Variants in LRMDA observed in about 807,000 individuals in gnomAD.
LRMDA encodes the protein leucine rich melanocyte differentiation associated, also known as leucine-rich melanocyte differentiation-associated protein.
In LRMDA, 18 loss-of-function variants were observed where a neutral mutation model predicts 29.8. The ratio of observed to expected loss-of-function variants is 0.60; its 90% CI spans 0.42 to 0.90. LRMDA has a LOEUF of 0.90. Ranked by LOEUF, LRMDA falls within the 40% of genes least tolerant of loss-of-function variation. The pLI is 0.00. For synonymous variants in LRMDA, 125 were observed against 109.4 expected (o/e 1.14, Z -0.89); for missense variants, 273 against 273.9 (o/e 1.00, Z 0.02).
At chr10:76,113,753 T>C (rs1849619052) in intron 5 of LRMDA, among the ~76,000 whole-genome samples, 1 of 152,082 alleles carries the variant, frequency 6.6e-6, no homozygotes, top group Admixed American at 6.5e-5. Flanking sequence ...AGTTCACAGG[T>C]AAAAGTGAAA....
chr10:75,475,882 T>C (rs1844786293), intron 2 of LRMDA, among the ~76,000 whole-genome samples: 1 of 152,250 alleles, frequency 6.6e-6, no homozygotes, highest in Non-Finnish European at 1.5e-5. Context: ...TTTAATGTTT[T>C]TCTCCTTCCG....
At chr10:76,455,840 A>G (rs1470821011) in intron 6 of LRMDA, among the ~76,000 whole-genome samples, 2 of 152,134 alleles carry the variant, frequency 1.3e-5, no homozygotes, top group Non-Finnish European at 2.9e-5. Context: ...GCCCCTGAAT[A>G]ATGGAAGGGA....
chr10:76,276,637 A>C (rs1296633082), intron 5 of LRMDA, among the ~76,000 whole-genome samples: 2 of 152,100 alleles, frequency 1.3e-5, no homozygotes, highest in Non-Finnish European at 2.9e-5. Flanking sequence ...TCTGAGCCAT[A>C]TATGTGGATT....
chr10:76,268,584 C>T (rs531172733), intron 5 of LRMDA, among the ~76,000 whole-genome samples: 9 of 152,210 alleles, frequency 5.9e-5, no homozygotes, highest in Admixed American at 3.3e-4. Context: ...CACTTACCTT[C>T]ATTTAGAACT....
intron 2 of LRMDA, among the ~76,000 whole-genome samples, chr10:75,965,596 A>C (rs1367868820): frequency 6.6e-6 from 1 of 151,444 alleles, no homozygotes. Context: ...CTGTGAAAAG[A>C]AAAAAAAACC....
At chr10:76,263,205 G>T (rs1383881077) in intron 5 of LRMDA, among the ~76,000 whole-genome samples, 1 of 152,006 alleles carries the variant, frequency 6.6e-6, no homozygotes, top group African/African-American at 2.4e-5. Context: ...AGGCAAACTT[G>T]TTTCTGATGA....
chr10:76,070,064 G>C (rs762510813), intron 5 of LRMDA, among the ~76,000 whole-genome samples: 1 of 152,230 alleles, frequency 6.6e-6, no homozygotes, highest in African/African-American at 2.4e-5. Context: ...AATGGGGAAT[G>C]TAATGCCTTC....
At chr10:76,256,153 A>G (rs1852589847) in intron 5 of LRMDA, among the ~76,000 whole-genome samples, 1 of 152,166 alleles carries the variant, frequency 6.6e-6, no homozygotes, top group Non-Finnish European at 1.5e-5. Context: ...AACCATAATA[A>G]TTTTCTGGAA....
At position 76,454,506 on chromosome 10, in the gene LRMDA, A is replaced by C. The variant is rs116901089; in HGVS notation, c.602-102703A>C. On this transcript the variant is annotated intron_variant, in intron 6 of 6. Coordinates refer to ENST00000611255, the MANE Select transcript of LRMDA (RefSeq NM_001305581.2). ...GAGAATCGAGACATAGTAAATAAAC[A>C]TTCTTAAAACCCACATGTTCCTTTA... Among the ~76,000 whole-genome samples the C allele has an allele frequency of 4.1e-3, 627 of 152,262 alleles. 4 individuals are homozygous for C. Among genetic ancestry groups the C allele is most frequent in the Non-Finnish European group, 6.2e-3 (423 of 68,024 alleles).
At chr10:75,501,426 G>C (rs2132069485) in intron 2 of LRMDA, among the ~76,000 whole-genome samples, 1 of 152,272 alleles carries the variant, frequency 6.6e-6, no homozygotes, top group Middle Eastern at 3.4e-3. Flanking sequence ...TAAGATGTCT[G>C]TAAAAGTATT....
chr10:75,536,263 G>T (rs75181454), intron 2 of LRMDA, among the ~76,000 whole-genome samples: 10 of 151,974 alleles, frequency 6.6e-5, no homozygotes, highest in Non-Finnish European at 1.3e-4. Flanking sequence ...TATTGTACTC[G>T]GGGTCCATTC....
At chr10:75,953,882 G>C (rs1271231773) in intron 2 of LRMDA, among the ~76,000 whole-genome samples, 1 of 152,112 alleles carries the variant, frequency 6.6e-6, no homozygotes, top group African/African-American at 2.4e-5. Flanking sequence ...TACATGGAGT[G>C]GTGGATCTTA....
In LRMDA at chr10:76,188,935, T is replaced by TACACACACACACACACAC. The variant is rs3998129; in HGVS notation, c.516+130170_516+130187dup. The stretch of plus-strand genomic sequence containing the variant: ...ATGCCTCTAGGCGAATGATTGCATG[T>TACACACACACACACACAC]ACACACACACACACACACACACACA... On this transcript the variant is annotated intron_variant, in intron 5 of 6. Transcript: ENST00000611255. 1.1e-3 allele frequency among the ~76,000 whole-genome samples: 155 copies of TACACACACACACACACAC among 141,722 alleles called. 1 individual carries two copies. The highest frequency in any genetic ancestry group is 3.7e-3 in the African/African-American group (148 of 39,832). 93.0% of individuals were successfully genotyped at this position (141,722 alleles called of 152,430 possible). A position where few individuals can be genotyped will look rare whatever the true frequency, so the allele number is the denominator to read the frequency against.
intron 2 of LRMDA, among the ~76,000 whole-genome samples, chr10:75,848,987 G>A (rs1194475006): frequency 6.6e-6 from 1 of 152,126 alleles, no homozygotes; most frequent in Non-Finnish European, 1.5e-5. Context: ...CCTGTCAGGA[G>A]ACTGGAAGGT....
chr10:75,788,635 T>C (rs1336154749), intron 2 of LRMDA, among the ~76,000 whole-genome samples: 1 of 152,230 alleles, frequency 6.6e-6, no homozygotes, highest in Admixed American at 6.5e-5. Flanking sequence ...GGCCATAGTT[T>C]TTACACAAGA....
intron 5 of LRMDA, among the ~76,000 whole-genome samples, chr10:76,170,347 C>T (rs1158048231): frequency 3.3e-5 from 5 of 152,204 alleles, no homozygotes; most frequent in Admixed American, 1.3e-4. Context: ...AAGTCTGTGC[C>T]AGAGATTTAT....
intron 2 of LRMDA, among the ~76,000 whole-genome samples, chr10:75,617,476 A>C (rs1408886739): frequency 1.3e-5 from 2 of 152,222 alleles, no homozygotes; most frequent in East Asian, 3.9e-4. Flanking sequence ...CTGATGAAGT[A>C]ATTTGTATTC....
Position 76,551,492 on chromosome 10 carries a change from G to A in LRMDA, c.602-5717G>A, listed in dbSNP as rs1451366118. On this transcript the variant is annotated intron_variant, in intron 6 of 6. Transcript: ENST00000611255. ...CAAGTGCAGATGCTCTCCAACTTAC[G>A]AAGGTTCAACCTATAATTGTTTAAC... Among the ~76,000 whole-genome samples, 5 of 152,108 alleles carry A rather than the reference G, an allele frequency of 3.3e-5. No individual in the cohort carries two copies. The East Asian group carries it at 9.6e-4, about 29-fold the overall frequency.
At chr10:75,881,698 C>T (rs188761544) in intron 2 of LRMDA, among the ~76,000 whole-genome samples, 3 of 152,204 alleles carry the variant, frequency 2.0e-5, no homozygotes, top group Admixed American at 2.0e-4. Context: ...CAATGAGAAA[C>T]CTCTAGGAGG....
Sources: allele counts gnomAD v4.1 joint callset (sites outside exome capture counted in the v4.1 genomes callset), GRCh38; gene constraint gnomAD v4.1.1; transcripts MANE v1.5; gene names NCBI Gene and HGNC (gene_info 2026-07-23, HGNC 2026-07-21).